The following CNTN4 variants were observed in gnomAD, a reference collection of about 807,000 sequenced individuals.
The protein encoded by CNTN4 is contactin-4.
CNTN4 carries 77 observed loss-of-function variants against 122.5 expected under a neutral mutation model. The ratio of observed to expected loss-of-function variants is 0.63; its 90% CI spans 0.52 to 0.76. CNTN4 has a LOEUF of 0.76. CNTN4 is among the 30% of genes least tolerant of loss of function. CNTN4 has a pLI of 0.00. For missense variants in CNTN4, 1,256 were observed against 1,259.1 expected (o/e 1.00, Z 0.04); for synonymous variants, 512 against 447.0 (o/e 1.15, Z -1.83).
intron 3 of CNTN4, among the ~76,000 whole-genome samples, chr3:2,452,443 A>G (rs907370134): frequency 3.3e-5 from 5 of 152,108 alleles, no homozygotes; most frequent in African/African-American, 1.2e-4. Flanking sequence ...GAGAGATTCT[A>G]TTTGGGAAGG....
At chr3:2,197,433 A>G (rs1352466792) in intron 2 of CNTN4, among the ~76,000 whole-genome samples, 3 of 152,240 alleles carry the variant, frequency 2.0e-5, no homozygotes, top group Admixed American at 6.5e-5. Flanking sequence ...TATTGAGTAC[A>G]TATCATGTGC....
chr3:2,126,947 C>T (rs1248172475), intron 2 of CNTN4, among the ~76,000 whole-genome samples: 3 of 152,082 alleles, frequency 2.0e-5, no homozygotes, highest in African/African-American at 7.2e-5. Context: ...GAGGGTGGTT[C>T]GAAACTAGAA....
chr3:2,725,468 T>C (rs2088160447), intron 4 of CNTN4, among the ~76,000 whole-genome samples: 1 of 152,208 alleles, frequency 6.6e-6, no homozygotes, highest in African/African-American at 2.4e-5. Flanking sequence ...GCACTGCTTT[T>C]GGTTAACGGT....
intron 18 of CNTN4, among the ~76,000 whole-genome samples, chr3:3,038,280 C>T (rs566004876): frequency 2.4e-4 from 37 of 152,258 alleles, no homozygotes; most frequent in Non-Finnish European, 4.1e-4. Context: ...GGTGGAAGCT[C>T]GCATAATTTC....
intron 13 of CNTN4, among the ~76,000 whole-genome samples, chr3:2,964,509 A>G (rs373757706): frequency 2.6e-5 from 4 of 152,094 alleles, no homozygotes; most frequent in Admixed American, 1.3e-4. Context: ...TGACTTTGGG[A>G]GCATATAAAT....
intron 4 of CNTN4, among the ~76,000 whole-genome samples, chr3:2,612,889 G>A (rs1397189860): frequency 6.6e-6 from 1 of 152,148 alleles, no homozygotes; most frequent in Non-Finnish European, 1.5e-5. Flanking sequence ...CACCCCAAGA[G>A]TGTTAGCCTT....
At chr3:2,348,499 AACC>A (rs1290859797) in intron 3 of CNTN4, among the ~76,000 whole-genome samples, 1 of 152,170 alleles carries the variant, frequency 6.6e-6, no homozygotes, top group Non-Finnish European at 1.5e-5. Context: ...CCTGTCCCTG[AACC>A]ACCACCACAT....
At chr3:2,100,225 A>G (rs1027850797) in intron 1 of CNTN4, among the ~76,000 whole-genome samples, 8 of 152,162 alleles carry the variant, frequency 5.3e-5, no homozygotes, top group Admixed American at 5.2e-4. Flanking sequence ...AACTTTTTCT[A>G]GTTTTCCTGC....
rs577537496 is a variant in CNTN4, at chr3:2,471,361, T to C, written c.-88-100055T>C. ...TTTGACAGATGTATTTGGAAAAAAA[T>C]AAGCATTTATCTATGGAAAGGAGAG... On this transcript the variant is annotated intron_variant, in intron 3 of 24. Transcript: ENST00000418658. 2.1e-3 allele frequency among the ~76,000 whole-genome samples: 327 copies of C among 152,254 alleles called. 1 individual carries two copies. Among genetic ancestry groups the C allele is most frequent in the African/African-American group, 7.7e-3 (322 of 41,558 alleles).
At chr3:2,543,718 C>T (rs955152069) in intron 3 of CNTN4, among the ~76,000 whole-genome samples, 1 of 152,130 alleles carries the variant, frequency 6.6e-6, no homozygotes, top group Non-Finnish European at 1.5e-5. Flanking sequence ...AAACCCTTTG[C>T]TGTGTTCACA....
In CNTN4 at chr3:2,174,360, G is replaced by A. The variant is rs1395333599; in HGVS notation, c.-145+73721G>A. 2.6e-5 allele frequency among the ~76,000 whole-genome samples: 4 copies of A among 152,174 alleles called. No homozygotes were observed. The East Asian group carries it at 7.7e-4, about 29-fold the overall frequency. On this transcript the variant is annotated intron_variant, in intron 2 of 24. Transcript: ENST00000418658. ...TTCTCTAACAGCATAACATAGACTG[G>A]GTGGCTTATAAGCAACAGACATTTA...
intron 3 of CNTN4, among the ~76,000 whole-genome samples, chr3:2,357,806 A>G (rs1384596305): frequency 2.0e-5 from 3 of 152,182 alleles, no homozygotes; most frequent in Non-Finnish European, 1.5e-5. Context: ...AATTGCTATA[A>G]ATTGCTATCA....
chr3:3,007,458 A>C (rs1028360596), intron 14 of CNTN4, among the ~76,000 whole-genome samples: 1 of 152,250 alleles, frequency 6.6e-6, no homozygotes, highest in Non-Finnish European at 1.5e-5. Context: ...ATTTTAATCA[A>C]TAGCCTACAA....
At chr3:2,187,355 G>A (rs1167591244) in intron 2 of CNTN4, among the ~76,000 whole-genome samples, 1 of 152,144 alleles carries the variant, frequency 6.6e-6, no homozygotes, top group Admixed American at 6.5e-5. Flanking sequence ...TTGAAGTCAG[G>A]TAGCATGATG....
At chr3:2,784,427 C>G (rs760166558) in intron 6 of CNTN4, among the ~76,000 whole-genome samples, 1 of 152,184 alleles carries the variant, frequency 6.6e-6, no homozygotes, top group East Asian at 1.9e-4. Flanking sequence ...TATAATTAGA[C>G]CCTTTTTTCA....
At chr3:3,023,855 A>T (rs1438918436) in intron 14 of CNTN4, among the ~76,000 whole-genome samples, 1 of 152,146 alleles carries the variant, frequency 6.6e-6, no homozygotes, top group Admixed American at 6.6e-5. Context: ...ATGCCCTTAG[A>T]CTTATTCCTG....
At chr3:2,492,368 T>C (rs2076342708) in intron 3 of CNTN4, among the ~76,000 whole-genome samples, 2 of 152,176 alleles carry the variant, frequency 1.3e-5, no homozygotes, top group South Asian at 4.1e-4. Context: ...TCCTGCAGGC[T>C]TATCATGGAT....
chr3:2,135,237 T>C (rs561996278), intron 2 of CNTN4, among the ~76,000 whole-genome samples: 3 of 152,122 alleles, frequency 2.0e-5, no homozygotes, highest in South Asian at 2.1e-4. Flanking sequence ...GGCATGAACA[T>C]AGGATAAAAG....
chr3:2,326,981 C>T (rs1010479618), intron 2 of CNTN4, among the ~76,000 whole-genome samples: 1 of 152,130 alleles, frequency 6.6e-6, no homozygotes, highest in African/African-American at 2.4e-5. Context: ...AAACAACTTC[C>T]CACCTACAAA....
Sources: allele counts gnomAD v4.1 joint callset (sites outside exome capture counted in the v4.1 genomes callset), GRCh38; gene constraint gnomAD v4.1.1; transcripts MANE v1.5; gene names NCBI Gene and HGNC (gene_info 2026-07-23, HGNC 2026-07-21).